ZNF571: variants seen among roughly 807,000 people sequenced by gnomAD.
ZNF571 encodes the protein zinc finger protein 571.
ZNF571 carries 4 observed loss-of-function variants against 7.7 expected under a neutral mutation model. The observed-to-expected ratio is 0.52, with a 90% CI of 0.25 to 1.18. The LOEUF (loss-of-function observed/expected upper bound fraction) is 1.18, where lower values mean the gene tolerates loss of function less well. Among genes scored for constraint, ZNF571 ranks in the 50% most tolerant of loss-of-function variants. The pLI is 0.14. For synonymous variants in ZNF571, 251 were observed against 232.4 expected, an observed-to-expected ratio of 1.08 and a Z score of -0.73; for missense variants, 704 against 726.9, an observed-to-expected ratio of 0.97 and a Z score of 0.36.
chr19:37,565,763 G>A lies in ZNF571; in HGVS notation c.665C>T (p.Pro222Leu), dbSNP rs1278089201. ...TTTCCCACATGCGTTACACTGATAA[G>A]GTTTTTCATTAGTATGAATTTTCTG... ...QHQKIHTNEK[P>L]YQCNACGKAF... The change falls in exon 4 of 4, where the codon CCT becomes CTT. Residue 222 changes from proline (P) to leucine (L), a missense_variant. By Grantham distance (98) the Pro-to-Leu change is moderately conservative (BLOSUM62 -3). Transcript: ENST00000451802. 11 of 1,613,504 alleles carry A rather than the reference G, an allele frequency of 6.8e-6. No homozygotes were observed. Among genetic ancestry groups the A allele is most frequent in the Admixed American group, 6.7e-5 (4 of 59,944 alleles).
At position 37,565,193 on chromosome 19, in the gene ZNF571, A is replaced by G. The variant is rs1358390548; in HGVS notation, c.1235T>C (p.Ile412Thr). Residue 412 changes from isoleucine (I) to threonine (T), a missense_variant, in exon 4 of 4, where the codon ATT (isoleucine) becomes ACT (threonine). Ile to Thr is a moderately conservative substitution (Grantham distance 89). Transcript: ENST00000451802. ...TTTGTAGGGCTTCTCTCCGGTATGA[A>G]TTCTTTGATGTTGAATAAGATTAGA... is the stretch of plus-strand genomic sequence containing the variant. ...SNSNLIQHQRIHTGEKPYKCK... is the reference protein window; with the variant it reads ...SNSNLIQHQRTHTGEKPYKCK... The G allele has an allele frequency of 3.7e-6, 6 of 1,613,400 alleles. No homozygotes were observed. The African/African-American group carries it at 6.7e-5, about 18-fold the overall frequency.
At chr19:37,591,420 CAT>C (rs905676105) in intron 1 of ZNF571, among the ~76,000 whole-genome samples, 1 of 152,168 alleles carries the variant, frequency 6.6e-6, no homozygotes, top group African/African-American at 2.4e-5. Context: ...TAGTTCGAAA[CAT>C]ATGGTATTCA....
chr19:37,565,195 T>TCTTTGATGTTGAATAAGATTA lies in ZNF571; in HGVS notation c.1212_1232dup (p.Ser404_Gln410dup), dbSNP rs1353923891. 1 of 1,613,616 alleles carries TCTTTGATGTTGAATAAGATTA rather than the reference T, an allele frequency of 6.2e-7. No individual in the cohort carries two copies. On this transcript the variant is annotated inframe_insertion, in exon 4 of 4. Transcript: ENST00000451802. ...TGTAGGGCTTCTCTCCGGTATGAAT[T>TCTTTGATGTTGAATAAGATTA]CTTTGATGTTGAATAAGATTAGAAT...
rs980358132 is a variant in ZNF571, at chr19:37,566,468, A to G, written c.137-177T>C. 4 of 677,382 alleles carry G rather than the reference A, an allele frequency of 5.9e-6. No homozygotes were observed. The Admixed American group carries it at 1.4e-4, about 24-fold the overall frequency. 42.0% of individuals were successfully genotyped at this position (677,382 alleles called of 1,614,324 possible). ...CAAGGAGAGAATAAAGAAAAAGGAG[A>G]GCTTATAGGAAAGAAGGTAATTAGA... is the stretch of plus-strand genomic sequence containing the variant. On this transcript the variant is annotated intron_variant, in intron 3 of 3. Coordinates refer to ENST00000451802, the MANE Select transcript of ZNF571 (RefSeq NM_016536.5).
chr19:37,566,714 C>A (rs2042873595), intron 3 of ZNF571, among the ~76,000 whole-genome samples: 1 of 152,138 alleles, frequency 6.6e-6, no homozygotes, highest in Admixed American at 6.6e-5. Context: ...ATTGTCATAA[C>A]CTCTTAGCTG....
At chr19:37,584,496 A>AT (rs781272715) in intron 2 of ZNF571, among the ~76,000 whole-genome samples, 2 of 152,156 alleles carry the variant, frequency 1.3e-5, no homozygotes, top group African/African-American at 4.8e-5. Context: ...AAAAAGATGA[A>AT]TTTTTTTCCA....
intron 3 of ZNF571, among the ~76,000 whole-genome samples, chr19:37,568,042 C>T (rs1485648541): frequency 6.6e-6 from 1 of 152,132 alleles, no homozygotes; most frequent in Non-Finnish European, 1.5e-5. Flanking sequence ...CAAGTTTACA[C>T]AATAAAGATC....
At chr19:37,583,336 T>C (rs1383319607) in intron 3 of ZNF571, 2 of 152,308 alleles carry the variant, frequency 1.3e-5, no homozygotes, top group African/African-American at 4.8e-5. Flanking sequence ...GATAAAAGCA[T>C]TGTCCCCAAA....
chr19:37,580,705 A>C (rs1249204027), intron 3 of ZNF571, among the ~76,000 whole-genome samples: 1 of 152,114 alleles, frequency 6.6e-6, no homozygotes, highest in African/African-American at 2.4e-5. Context: ...TTTTTAAAAA[A>C]GCCTGTCACC....
intron 3 of ZNF571, chr19:37,575,646 T>C (rs936171511): frequency 1.3e-5 from 2 of 152,194 alleles, no homozygotes; most frequent in African/African-American, 4.8e-5. Flanking sequence ...GGACTTAAGA[T>C]TGCCCATTCA....
intron 1 of ZNF571, chr19:37,587,008 C>A (rs2043697944): frequency 1.3e-5 from 4 of 304,258 alleles, no homozygotes; most frequent in Non-Finnish European, 1.8e-5. Flanking sequence ...AGGGAGCCCC[C>A]CACCATCCTC....
chr19:37,588,713 T>C (rs2043768807), intron 1 of ZNF571, among the ~76,000 whole-genome samples: 1 of 152,160 alleles, frequency 6.6e-6, no homozygotes, highest in South Asian at 2.1e-4. Flanking sequence ...AAATAAAAGT[T>C]GAAATTTTAT....
chr19:37,589,886 A>AAAAAAAAAC (rs1265931459), intron 1 of ZNF571, among the ~76,000 whole-genome samples: 6 of 149,932 alleles, frequency 4.0e-5, no homozygotes, highest in Non-Finnish European at 5.9e-5. Flanking sequence ...AAAAAAAAAA[A>AAAAAAAAAC]AGCACACTTG....
chr19:37,565,562 A>C lies in ZNF571; in HGVS notation c.866T>G (p.Ile289Ser), dbSNP rs1372649143. 1.9e-6 allele frequency: 3 copies of C among 1,613,350 alleles called. No individual in the cohort carries two copies. The highest frequency in any genetic ancestry group is 1.3e-5 in the African/African-American group (1 of 74,762). The change falls in exon 4 of 4, where the codon ATT (isoleucine) becomes AGT (serine). Residue 289 changes from isoleucine (I) to serine (S), a missense_variant. Ile to Ser is a moderately radical substitution (Grantham distance 142). Transcript: ENST00000451802. ...YECKDCGKAF[I>S]LGSQLTYHQR... is the part of the protein sequence containing the mutation. ...ATGGTAAGTAAGTTGAGAGCCAAGA[A>C]TAAAGGCCTTCCCACAATCCTTACA... is the stretch of plus-strand genomic sequence containing the variant.
chr19:37,566,467 G>C (rs1300827355), intron 3 of ZNF571, 176 bp from the exon 4 acceptor site: 1 of 675,852 alleles, frequency 1.5e-6, no homozygotes, highest in Non-Finnish European at 2.3e-6. Flanking sequence ...AGAAAAAGGA[G>C]AGCTTATAGG....
At position 37,565,967 on chromosome 19, in the gene ZNF571, A is replaced by C; in HGVS notation, c.461T>G (p.Leu154Arg). Residue 154 changes from leucine (L) to arginine (R), a missense_variant, in exon 4 of 4, where the codon CTT (leucine) becomes CGT (arginine). Coordinates refer to ENST00000451802, the MANE Select transcript of ZNF571 (RefSeq NM_016536.5). ...CRQGFSYLSC[L>R]IQHEENHNIE... ...ATTATGATTTTCCTCATGTTGAATAAGGCATGACAGGTAGCTGAAACCTTG... is the reference window on the plus strand; with the variant it reads ...ATTATGATTTTCCTCATGTTGAATACGGCATGACAGGTAGCTGAAACCTTG... The C allele has an allele frequency of 6.2e-7, 1 of 1,613,792 alleles. No homozygotes were observed. The highest frequency in any genetic ancestry group is 8.5e-7 in the Non-Finnish European group (1 of 1,179,724).
chr19:37,574,922 C>G (rs1483938886), intron 3 of ZNF571, among the ~76,000 whole-genome samples: 1 of 152,166 alleles, frequency 6.6e-6, no homozygotes, highest in African/African-American at 2.4e-5. Context: ...GCTGTTATAC[C>G]TACAGAAACT....
At chr19:37,589,613 TCCTTGAAGATACA>T (rs2043803973) in intron 1 of ZNF571, among the ~76,000 whole-genome samples, 1 of 152,036 alleles carries the variant, frequency 6.6e-6, no homozygotes. Flanking sequence ...TGGACTAAGT[TCCTTGAAGATACA>T]CCTATCAGAT....
At chr19:37,583,251 G>A (rs11083427) in intron 3 of ZNF571, among the ~76,000 whole-genome samples, 84 of 152,156 alleles carry the variant, frequency 5.5e-4, no homozygotes, top group Non-Finnish European at 6.3e-4. Flanking sequence ...CTCTCAGTAC[G>A]TATGTGCTGG....
Sources: allele counts gnomAD v4.1 joint callset (sites outside exome capture counted in the v4.1 genomes callset), GRCh38; gene constraint gnomAD v4.1.1; transcripts MANE v1.5; gene names NCBI Gene and HGNC (gene_info 2026-07-23, HGNC 2026-07-21).